Variants in TENM4 observed in about 807,000 individuals in gnomAD.
TENM4 encodes the protein teneurin-4.
TENM4 carries 82 observed loss-of-function variants against 243.3 expected under a neutral mutation model. That is an observed-to-expected ratio of 0.34 (90% CI 0.28 to 0.40). The LOEUF (loss-of-function observed/expected upper bound fraction) is 0.40. Ranked by LOEUF, TENM4 falls within the 10% of genes least tolerant of loss-of-function variation. TENM4 has a pLI of 1.00. For missense variants in TENM4, 3,138 were observed against 3,673.3 expected (o/e 0.85, Z 3.77); for synonymous variants, 1,412 against 1,456.3 (o/e 0.97, Z 0.69).
chr11:78,899,869 T>C lies in TENM4; in HGVS notation c.749+3399A>G, dbSNP rs182846157. Among the ~76,000 whole-genome samples, 356 of 152,306 alleles carry C rather than the reference T, an allele frequency of 2.3e-3. 2 individuals carry two copies. The highest frequency in any genetic ancestry group is 8.4e-3 in the African/African-American group (348 of 41,572). On this transcript the variant is annotated intron_variant, in intron 7 of 33. Transcript: ENST00000278550. ...AAGCAGATGCTTGTGTCATATTTCT[T>C]GTAAAGTCTGCAGAACTGTAAGCCA...
intron 3 of TENM4, among the ~76,000 whole-genome samples, chr11:79,173,947 A>G (rs535887109): frequency 2.0e-5 from 3 of 152,340 alleles, no homozygotes; most frequent in Admixed American, 2.0e-4. Context: ...GTGGCTAGAG[A>G]GTCTCATTTA....
rs180887263 is a variant in TENM4 at position 79,384,452 on chromosome 11, C to A, written c.-321+56057G>T. Among the ~76,000 whole-genome samples, 210 of 152,270 alleles carry A rather than the reference C, an allele frequency of 1.4e-3. 5 individuals carry two copies. Among genetic ancestry groups the A allele is most frequent in the Non-Finnish European group, 1.3e-4 (9 of 68,020 alleles). ...CCCATGCTGCTCATCATCCTCACCC[C>A]TCTGCTGACCGTGCCAGATTCTGAG... On this transcript the variant is annotated intron_variant, in intron 1 of 33. Coordinates refer to ENST00000278550, the MANE Select transcript of TENM4 (RefSeq NM_001098816.3).
chr11:78,683,622 C>T (rs1297841776), intron 29 of TENM4, among the ~76,000 whole-genome samples: 1 of 141,480 alleles, frequency 7.1e-6, no homozygotes, highest in South Asian at 2.3e-4. Flanking sequence ...GGCAATGCCT[C>T]GCCCTGCTTC....
At chr11:79,119,118 G>T (rs1407187109) in intron 4 of TENM4, among the ~76,000 whole-genome samples, 2 of 152,150 alleles carry the variant, frequency 1.3e-5, no homozygotes, top group East Asian at 3.9e-4. Flanking sequence ...GGTCCTGGGT[G>T]CCCTCACTAA....
At chr11:78,892,368 C>G (rs866012812) in intron 7 of TENM4, among the ~76,000 whole-genome samples, 1 of 152,214 alleles carries the variant, frequency 6.6e-6, no homozygotes, top group Non-Finnish European at 1.5e-5. Context: ...AAGAAAGGAA[C>G]TGACTGCAGA....
At chr11:79,237,635 C>A (rs180775841) in intron 2 of TENM4, among the ~76,000 whole-genome samples, 79 of 152,286 alleles carry the variant, frequency 5.2e-4, no homozygotes, top group African/African-American at 1.8e-3. Flanking sequence ...CAAGTTCGTA[C>A]CACTGCACTC....
intron 8 of TENM4, 40 bp downstream of exon 8, chr11:78,891,198 G>GGAGA (rs1565425974): frequency 6.5e-7 from 1 of 1,537,254 alleles, no homozygotes; most frequent in African/African-American, 1.4e-5. Context: ...GGAGCCACAA[G>GGAGA]GAGAGCACAC....
intron 1 of TENM4, among the ~76,000 whole-genome samples, chr11:79,388,748 C>T (rs1858168816): frequency 6.6e-6 from 1 of 152,126 alleles, no homozygotes; most frequent in African/African-American, 2.4e-5. Context: ...ATGGAGGGTT[C>T]CAAGAGGTAA....
At chr11:78,672,512 C>T (rs558160978) in intron 30 of TENM4, among the ~76,000 whole-genome samples, 183 bp from the exon 31 acceptor site, 1 of 152,308 alleles carries the variant, frequency 6.6e-6, no homozygotes, top group Non-Finnish European at 1.5e-5. Flanking sequence ...GTGAAGTTTC[C>T]TCACCTGTAA....
chr11:79,064,641 C>G, intron 6 of TENM4, 97 bp downstream of exon 6: 2 of 1,481,078 alleles, frequency 1.4e-6, no homozygotes, highest in Non-Finnish European at 1.8e-6. Context: ...TCACCAACTT[C>G]ACCAGAGCCC....
intron 1 of TENM4, among the ~76,000 whole-genome samples, chr11:79,378,528 C>T (rs1172556130): frequency 6.6e-6 from 1 of 152,172 alleles, no homozygotes; most frequent in East Asian, 1.9e-4. Flanking sequence ...GCATGCCTTG[C>T]TCTGAACCAC....
rs1859126932 is a variant in TENM4, at chr11:78,702,269, G to A, written c.4344C>T (p.Cys1448=). Residue 1448 remains cysteine (C), a synonymous_variant, in exon 28 of 34, where the codon TGC becomes TGT. Coordinates refer to ENST00000278550, the MANE Select transcript of TENM4 (RefSeq NM_001098816.3). ...GGAAGTGGTCAATGCCAGGGACCTGGCAGTGCATGGGCCTCCCGGCGACAA... is the reference window on the plus strand; with the variant it reads ...GGAAGTGGTCAATGCCAGGGACCTGACAGTGCATGGGCCTCCCGGCGACAA... ...VRIVAGRPMH[C]QVPGIDHFLL... is the part of the protein sequence containing the mutation. 1 of 1,613,926 alleles carries A rather than the reference G, an allele frequency of 6.2e-7. No homozygotes were observed. The highest frequency in any genetic ancestry group is 2.2e-5 in the East Asian group (1 of 44,896).
chr11:78,992,182 C>T (rs563628806), intron 6 of TENM4, among the ~76,000 whole-genome samples: 10 of 152,332 alleles, frequency 6.6e-5, no homozygotes, highest in East Asian at 1.9e-4. Context: ...CAAAGGAGAA[C>T]GAGCAGCTTC....
intron 6 of TENM4, among the ~76,000 whole-genome samples, chr11:79,054,942 C>T (rs538577574): frequency 2.6e-5 from 4 of 151,882 alleles, no homozygotes; most frequent in Non-Finnish European, 1.5e-5. Flanking sequence ...ACCAGCCTGG[C>T]CAATCTGGTG....
intron 2 of TENM4, among the ~76,000 whole-genome samples, chr11:79,246,708 C>A (rs1855522668): frequency 6.6e-6 from 1 of 151,904 alleles, no homozygotes; most frequent in African/African-American, 2.4e-5. Flanking sequence ...TGAAAACAGG[C>A]AAAACAGCTG....
intron 6 of TENM4, among the ~76,000 whole-genome samples, chr11:78,913,046 T>C (rs1856226995): frequency 6.6e-6 from 1 of 152,196 alleles, no homozygotes; most frequent in Admixed American, 6.5e-5. Context: ...AATTTTAAAA[T>C]CTAAGACTAT....
chr11:79,121,163 T>A (rs1019740513), intron 4 of TENM4, among the ~76,000 whole-genome samples: 4 of 152,008 alleles, frequency 2.6e-5, no homozygotes, highest in African/African-American at 9.7e-5. Flanking sequence ...GGCTTTCCTG[T>A]CTTCCATTCT....
intron 1 of TENM4, among the ~76,000 whole-genome samples, chr11:79,314,956 C>A (rs1325223607): frequency 6.6e-6 from 1 of 152,186 alleles, no homozygotes; most frequent in Non-Finnish European, 1.5e-5. Context: ...GAACAGCTGG[C>A]TGATTTTTGG....
chr11:78,981,532 T>A (rs191592803), intron 6 of TENM4, among the ~76,000 whole-genome samples: 414 of 152,202 alleles, frequency 2.7e-3, no homozygotes, highest in Non-Finnish European at 4.1e-3. Context: ...CCCTTCCTCA[T>A]GAGGGAATCT....
Sources: gnomAD v4.1 joint callset for allele counts (sites outside exome capture counted in the v4.1 genomes callset) on GRCh38, gnomAD v4.1.1 for gene constraint, MANE v1.5 for transcripts, NCBI Gene and HGNC (gene_info 2026-07-23, HGNC 2026-07-21) for gene names.